The following ASAP1 variants were observed in gnomAD, a reference collection of about 807,000 sequenced individuals.
ASAP1 encodes arf-GAP with SH3 domain, ANK repeat and PH domain-containing protein 1.
ASAP1 carries 43 observed loss-of-function variants against 145.2 expected under a neutral mutation model. The observed-to-expected ratio is 0.30, with a 90% CI of 0.23 to 0.38. The LOEUF is 0.38. Ranked by LOEUF, ASAP1 falls within the 10% of genes least tolerant of loss-of-function variation. The pLI, the probability that ASAP1 is intolerant of heterozygous loss-of-function variation, is 1.00. For missense variants in ASAP1, 1,018 were observed against 1,355.3 expected (o/e 0.75, Z 3.91); for synonymous variants, 546 against 515.5 (o/e 1.06, Z -0.80).
chr8:130,283,745 G>T (rs889905502), intron 3 of ASAP1, among the ~76,000 whole-genome samples: 1 of 152,186 alleles, frequency 6.6e-6, no homozygotes, highest in Admixed American at 6.5e-5. Context: ...ACATGAGGAA[G>T]GGTCAGATAA....
At chr8:130,175,227 T>C (rs1456858655) in intron 9 of ASAP1, among the ~76,000 whole-genome samples, 4 of 152,140 alleles carry the variant, frequency 2.6e-5, no homozygotes, top group Non-Finnish European at 5.9e-5. Context: ...TGTGTGTGTG[T>C]GTGTACAATT....
At chr8:130,416,805 T>C (rs1277523103) in intron 1 of ASAP1, among the ~76,000 whole-genome samples, 2 of 152,220 alleles carry the variant, frequency 1.3e-5, no homozygotes, top group Admixed American at 6.5e-5. Flanking sequence ...GAAATCATAA[T>C]GACCACATGC....
At chr8:130,387,888 G>A (rs887851363) in intron 2 of ASAP1, among the ~76,000 whole-genome samples, 1 of 152,208 alleles carries the variant, frequency 6.6e-6, no homozygotes, top group African/African-American at 2.4e-5. Context: ...TTTAGCAGAT[G>A]AGCAGCCATC....
intron 1 of ASAP1, among the ~76,000 whole-genome samples, chr8:130,428,263 A>C (rs1039911201): frequency 1.3e-5 from 2 of 151,674 alleles, no homozygotes; most frequent in African/African-American, 4.8e-5. Flanking sequence ...CGAAGTTCCC[A>C]AAAAATGCCA....
At chr8:130,344,991 T>C (rs1300085278) in intron 3 of ASAP1, among the ~76,000 whole-genome samples, 2 of 152,190 alleles carry the variant, frequency 1.3e-5, no homozygotes, top group Non-Finnish European at 2.9e-5. Context: ...TCTGTCTCTT[T>C]CAAAGTGAAG....
intron 2 of ASAP1, among the ~76,000 whole-genome samples, chr8:130,378,061 G>A (rs771365726): frequency 1.4e-4 from 21 of 152,196 alleles, no homozygotes; most frequent in Non-Finnish European, 2.8e-4. Flanking sequence ...TCCCAGTGAG[G>A]TAAAAGAGCT....
At chr8:130,413,987 G>A (rs1053023513) in intron 1 of ASAP1, among the ~76,000 whole-genome samples, 6 of 152,146 alleles carry the variant, frequency 3.9e-5, no homozygotes, top group African/African-American at 1.2e-4. Context: ...CTGCTGTAAG[G>A]CAGACAGGTG....
Position 130,251,961 on chromosome 8 carries a change from T to C in ASAP1, c.187-14967A>G, listed in dbSNP as rs75718167. Among the ~76,000 whole-genome samples, 195 of 152,288 alleles carry C rather than the reference T, an allele frequency of 1.3e-3. 3 individuals carry two copies. In the Middle Eastern group the frequency reaches 0.02, roughly 16 times the overall value. On this transcript the variant is annotated intron_variant, in intron 3 of 29. Transcript: ENST00000518721. Reference sequence around the variant, plus strand: ...TTCAAGTCACAAAACCACCCTTACATTTGACATAGTAAATCCAGTCCTGAT... The same window carrying C: ...TTCAAGTCACAAAACCACCCTTACACTTGACATAGTAAATCCAGTCCTGAT...
At chr8:130,251,083 G>T (rs1203126344) in intron 3 of ASAP1, among the ~76,000 whole-genome samples, 1 of 152,068 alleles carries the variant, frequency 6.6e-6, no homozygotes, top group Non-Finnish European at 1.5e-5. Context: ...TTGCACACCT[G>T]CAGAACAATG....
intron 23 of ASAP1, among the ~76,000 whole-genome samples, chr8:130,113,770 T>C (rs2097550314): frequency 6.6e-6 from 1 of 151,958 alleles, no homozygotes; most frequent in Non-Finnish European, 1.5e-5. Context: ...ATGTCCCTTA[T>C]GTACTTTTTT....
intron 4 of ASAP1, among the ~76,000 whole-genome samples, chr8:130,216,425 A>G (rs1283109698): frequency 6.6e-6 from 1 of 152,238 alleles, no homozygotes; most frequent in Non-Finnish European, 1.5e-5. Flanking sequence ...ATGAGCTGAC[A>G]TAAAGTATAT....
chr8:130,103,378 C>CT (rs1387839800), intron 24 of ASAP1, among the ~76,000 whole-genome samples: 3 of 151,956 alleles, frequency 2.0e-5, no homozygotes, highest in South Asian at 4.2e-4. Flanking sequence ...TCTGTATTGT[C>CT]TTTTCAGTTG....
intron 3 of ASAP1, among the ~76,000 whole-genome samples, chr8:130,325,272 T>C (rs1317728292): frequency 6.6e-6 from 1 of 152,178 alleles, no homozygotes; most frequent in Non-Finnish European, 1.5e-5. Flanking sequence ...ATTCCTTTCT[T>C]TCAACGTATT....
At chr8:130,351,474 T>C (rs796910638) in intron 3 of ASAP1, among the ~76,000 whole-genome samples, 2 of 152,308 alleles carry the variant, frequency 1.3e-5, no homozygotes, top group African/African-American at 4.8e-5. Context: ...TCTTGTGTTG[T>C]TATAAAGGAA....
chr8:130,081,217 G>A (rs1043135980), intron 25 of ASAP1, among the ~76,000 whole-genome samples: 3 of 152,238 alleles, frequency 2.0e-5, no homozygotes, highest in East Asian at 1.9e-4. Flanking sequence ...ACTTTCTAGC[G>A]GGTGAGCAGC....
At chr8:130,360,518 A>G (rs1034602386) in intron 2 of ASAP1, among the ~76,000 whole-genome samples, 3 of 152,228 alleles carry the variant, frequency 2.0e-5, no homozygotes, top group East Asian at 1.9e-4. Flanking sequence ...ATGCTCATCA[A>G]TGTCCTCTAA....
chr8:130,069,144 GGA>G (rs1194670528), intron 27 of ASAP1, among the ~76,000 whole-genome samples: 1 of 152,132 alleles, frequency 6.6e-6, no homozygotes, highest in Admixed American at 6.5e-5. Context: ...AAAAGAAAGG[GGA>G]GAGTCATGGG....
At chr8:130,319,123 G>A (rs1823848347) in intron 3 of ASAP1, among the ~76,000 whole-genome samples, 2 of 152,324 alleles carry the variant, frequency 1.3e-5, no homozygotes, top group South Asian at 2.1e-4. Flanking sequence ...GTTATTTGGA[G>A]AAGAAATTGC....
intron 6 of ASAP1, 152 bp downstream of exon 6, chr8:130,187,957 C>T (rs930711585): frequency 1.5e-6 from 1 of 647,348 alleles, no homozygotes; most frequent in East Asian, 2.7e-5. Context: ...TGAAGAGGCA[C>T]ATTTTTTCCA....
Sources: allele counts gnomAD v4.1 joint callset (sites outside exome capture counted in the v4.1 genomes callset), GRCh38; gene constraint gnomAD v4.1.1; transcripts MANE v1.5; gene names NCBI Gene and HGNC (gene_info 2026-07-23, HGNC 2026-07-21).